Variants in TENM3 observed in about 807,000 individuals in gnomAD.
The protein encoded by TENM3 is teneurin-3.
TENM3 carries 63 observed loss-of-function variants against 255.1 expected under a neutral mutation model. That is an observed-to-expected ratio of 0.25 (90% CI 0.20 to 0.30). The LOEUF (loss-of-function observed/expected upper bound fraction) is 0.30, where lower values mean the gene tolerates loss of function less well. Among genes scored for constraint, TENM3 ranks in the 10% least tolerant of loss-of-function variants. The pLI is 1.00. For missense variants in TENM3, 2,929 were observed against 3,461.1 expected (o/e 0.85, Z 3.86); for synonymous variants, 1,306 against 1,322.3 (o/e 0.99, Z 0.27).
the TENM3 span, among the ~76,000 whole-genome samples, chr4:181,522,100 CAAAAAAAAAAAAAAAAA>C: frequency 1.1e-4 from 6 of 54,730 alleles, no homozygotes; most frequent in East Asian, 5.7e-4. Context: ...GACTCCGTCT[CAAAAAAAAAAAAAAAAA>C]AAAAAAAAAA....
intron 3 of TENM3, among the ~76,000 whole-genome samples, chr4:182,427,757 G>A (rs973532585): frequency 2.6e-5 from 4 of 152,138 alleles, no homozygotes; most frequent in African/African-American, 9.7e-5. Flanking sequence ...TATATTAAGA[G>A]GCTTTGGCTG....
intron 25 of TENM3, among the ~76,000 whole-genome samples, chr4:182,790,402 G>T (rs2152827296): frequency 6.6e-6 from 1 of 152,274 alleles, no homozygotes; most frequent in East Asian, 1.9e-4. Context: ...TTCTTTACCA[G>T]AGGTGCCCTG....
At chr4:182,684,178 G>GTGGAGGAGGAAGAGGACAATGA in intron 11 of TENM3, among the ~76,000 whole-genome samples, 1 of 151,178 alleles carries the variant, frequency 6.6e-6, no homozygotes, top group Non-Finnish European at 1.5e-5. Context: ...GAAGAGAGAA[G>GTGGAGGAGGAAGAGGACAATGA]TGGAGGAGGA....
chr4:182,029,705 G>T, the TENM3 span, among the ~76,000 whole-genome samples: 91 of 152,090 alleles, frequency 6.0e-4, no homozygotes, highest in South Asian at 1.0e-3. Context: ...ATAACTAGGA[G>T]ATAGATGCAC....
chr4:182,381,112 G>T (rs1010913020), intron 3 of TENM3, among the ~76,000 whole-genome samples: 34 of 152,322 alleles, frequency 2.2e-4, no homozygotes, highest in Middle Eastern at 3.4e-3. Flanking sequence ...TCAGACAGCT[G>T]TGAGAGTCCC....
chr4:182,753,527 A>G lies in TENM3; in HGVS notation c.3940A>G (p.Ile1314Val), dbSNP rs745997875. The change falls in exon 21 of 28, where the codon ATA becomes GTA. Residue 1314 changes from isoleucine to valine, a missense_variant. Transcript: ENST00000511685. ...TAGGAAAGTTGACCAAAATGGAATCATATCAACTCTTCTGGGCTCTAACGA... is the reference window on the plus strand; with the variant it reads ...TAGGAAAGTTGACCAAAATGGAATCGTATCAACTCTTCTGGGCTCTAACGA... ...MIRKVDQNGI[I>V]STLLGSNDLT... 3.7e-6 allele frequency: 6 copies of G among 1,613,934 alleles called. No homozygotes were observed. The highest frequency in any genetic ancestry group is 2.7e-5 in the African/African-American group (2 of 75,062).
At chr4:181,615,984 ATTTGT>A in the TENM3 span, among the ~76,000 whole-genome samples, 2 of 152,128 alleles carry the variant, frequency 1.3e-5, no homozygotes, top group Non-Finnish European at 2.9e-5. Context: ...CATTTCCTAC[ATTTGT>A]TTTGTGGTTA....
At chr4:181,612,276 T>C in the TENM3 span, among the ~76,000 whole-genome samples, 1 of 152,188 alleles carries the variant, frequency 6.6e-6, no homozygotes, top group African/African-American at 2.4e-5. Context: ...AATAATCATC[T>C]TTCCCTCTGG....
the TENM3 span, among the ~76,000 whole-genome samples, chr4:181,605,074 G>T: frequency 6.6e-6 from 1 of 152,160 alleles, no homozygotes; most frequent in Non-Finnish European, 1.5e-5. Flanking sequence ...AATTATAAAT[G>T]CAGCATTAGT....
the TENM3 span, among the ~76,000 whole-genome samples, chr4:181,967,319 C>T: frequency 6.6e-6 from 1 of 152,134 alleles, no homozygotes; most frequent in Non-Finnish European, 1.5e-5. Context: ...CCAGCTTACT[C>T]TGCTGCAAAA....
the TENM3 span, among the ~76,000 whole-genome samples, chr4:181,781,514 T>A: frequency 2.0e-5 from 3 of 152,172 alleles, no homozygotes; most frequent in Non-Finnish European, 2.9e-5. Flanking sequence ...TAAAGAGATT[T>A]GGGGCTGAGA....
intron 3 of TENM3, among the ~76,000 whole-genome samples, chr4:182,583,101 A>G (rs1745663636): frequency 6.6e-6 from 1 of 152,228 alleles, no homozygotes; most frequent in African/African-American, 2.4e-5. Context: ...AATGTCTGTG[A>G]GATCCCTAAA....
chr4:181,917,332 A>AC, the TENM3 span, among the ~76,000 whole-genome samples: 1 of 152,192 alleles, frequency 6.6e-6, no homozygotes, highest in Non-Finnish European at 1.5e-5. Flanking sequence ...CAGTAGCACT[A>AC]CCCCAGTTAT....
chr4:182,254,557 A>C (rs1758250222), intron 1 of TENM3, among the ~76,000 whole-genome samples: 1 of 152,190 alleles, frequency 6.6e-6, no homozygotes, highest in Non-Finnish European at 1.5e-5. Context: ...AAAGCAGCAG[A>C]AGGCTTTGGT....
At chr4:182,186,661 T>C (rs942807922) in intron 1 of TENM3, among the ~76,000 whole-genome samples, 8 of 150,046 alleles carry the variant, frequency 5.3e-5, no homozygotes, top group Non-Finnish European at 1.0e-4. Flanking sequence ...ACTGCATTTG[T>C]CTTAATTAAG....
the TENM3 span, among the ~76,000 whole-genome samples, chr4:181,744,486 A>G: frequency 6.6e-6 from 1 of 152,132 alleles, no homozygotes; most frequent in Non-Finnish European, 1.5e-5. Context: ...CCTCACCAGC[A>G]TCTGTTTTTT....
chr4:182,231,294 G>C (rs371256253), intron 1 of TENM3, among the ~76,000 whole-genome samples: 4 of 152,104 alleles, frequency 2.6e-5, no homozygotes, highest in Non-Finnish European at 5.9e-5. Flanking sequence ...AGACCAAAAA[G>C]TACTGGTCTT....
intron 6 of TENM3, among the ~76,000 whole-genome samples, chr4:182,663,956 C>T (rs1310432034): frequency 6.6e-6 from 1 of 152,140 alleles, no homozygotes; most frequent in Non-Finnish European, 1.5e-5. Context: ...CTAATTTTAC[C>T]TGTTATTCTT....
At chr4:182,282,922 A>T (rs1760486237) in intron 1 of TENM3, among the ~76,000 whole-genome samples, 1 of 151,300 alleles carries the variant, frequency 6.6e-6, no homozygotes, top group African/African-American at 2.4e-5. Context: ...AAAAATTTAT[A>T]GTTAAATATC....
Sources: allele counts gnomAD v4.1 joint callset (sites outside exome capture counted in the v4.1 genomes callset), GRCh38; gene constraint gnomAD v4.1.1; transcripts MANE v1.5; gene names NCBI Gene and HGNC (gene_info 2026-07-23, HGNC 2026-07-21).